Variants in EEFSEC observed in about 807,000 individuals in gnomAD.
EEFSEC encodes the protein eukaryotic elongation factor, selenocysteine-tRNA specific, also known as selenocysteine-specific elongation factor.
Under a neutral mutation model 42.1 loss-of-function variants are expected in EEFSEC, and 43 were observed. That is an observed-to-expected ratio of 1.02 (90% CI 0.80 to 1.32). The LOEUF (loss-of-function observed/expected upper bound fraction) is 1.32, where lower values mean the gene tolerates loss of function less well. Among genes scored for constraint, EEFSEC ranks in the 40% most tolerant of loss-of-function variants. The pLI is 0.00. For missense variants in EEFSEC, 745 were observed against 803.6 expected (o/e 0.93, Z 0.88); for synonymous variants, 354 against 339.1 (o/e 1.04, Z -0.48).
intron 6 of EEFSEC, among the ~76,000 whole-genome samples, chr3:128,384,751 C>G (rs1284696911): frequency 6.6e-6 from 1 of 152,192 alleles, no homozygotes; most frequent in Non-Finnish European, 1.5e-5. Context: ...GCCGCTGTTT[C>G]CCAAGCATTT....
chr3:128,316,892 C>G (rs545283401), intron 4 of EEFSEC, among the ~76,000 whole-genome samples: 2 of 152,220 alleles, frequency 1.3e-5, no homozygotes, highest in Non-Finnish European at 2.9e-5. Context: ...CCAGCCCCGA[C>G]CTTCCTTGTA....
At chr3:128,422,259 G>A in the EEFSEC span, among the ~76,000 whole-genome samples, 20,650 of 152,232 alleles carry the variant, frequency 0.14, 1,536 homozygotes, top group South Asian at 0.22. Context: ...AAAGCTGGGC[G>A]CAGGCCTTGG....
chr3:128,286,230 C>T (rs2066584354), intron 4 of EEFSEC, among the ~76,000 whole-genome samples: 1 of 152,210 alleles, frequency 6.6e-6, no homozygotes. Flanking sequence ...GAGCATTTTG[C>T]ACCCTTCCCT....
chr3:128,181,569 C>T (rs567799497), intron 1 of EEFSEC, among the ~76,000 whole-genome samples: 11 of 152,278 alleles, frequency 7.2e-5, no homozygotes, highest in African/African-American at 2.6e-4. Context: ...CTAGTGGAGA[C>T]GGCGATAAGG....
chr3:128,239,282 T>C (rs1337536464), intron 1 of EEFSEC, among the ~76,000 whole-genome samples: 4 of 152,210 alleles, frequency 2.6e-5, no homozygotes, highest in African/African-American at 7.2e-5. Flanking sequence ...TTTGGGTATA[T>C]GTGAGTCCTA....
chr3:128,365,710 C>A (rs2067582487), intron 6 of EEFSEC, among the ~76,000 whole-genome samples: 1 of 152,156 alleles, frequency 6.6e-6, no homozygotes, highest in African/African-American at 2.4e-5. Flanking sequence ...AGCCCCGGTG[C>A]TGCATTCATG....
chr3:128,293,679 A>AAAAAAAAAC (rs2066671910), intron 4 of EEFSEC, among the ~76,000 whole-genome samples: 1 of 133,452 alleles, frequency 7.5e-6, no homozygotes, highest in Non-Finnish European at 1.6e-5. Flanking sequence ...AAAAAAAAAA[A>AAAAAAAAAC]AAAAAAAACT....
chr3:128,170,160 C>T (rs974684023), intron 1 of EEFSEC, among the ~76,000 whole-genome samples: 2 of 152,126 alleles, frequency 1.3e-5, no homozygotes, highest in Non-Finnish European at 1.5e-5. Flanking sequence ...CCGCCTGGCC[C>T]GAGGTTCCTG....
At chr3:128,233,638 C>G (rs1270097556) in intron 1 of EEFSEC, among the ~76,000 whole-genome samples, 1 of 152,312 alleles carries the variant, frequency 6.6e-6, no homozygotes, top group East Asian at 1.9e-4. Context: ...AGGGAACATC[C>G]TACATTAGAT....
At chr3:128,291,843 A>T (rs749890157) in intron 4 of EEFSEC, among the ~76,000 whole-genome samples, 1 of 152,222 alleles carries the variant, frequency 6.6e-6, no homozygotes, top group African/African-American at 2.4e-5. Context: ...GTGAGAACAG[A>T]TATCTTTACC....
At chr3:128,415,171 G>A in the EEFSEC span, among the ~76,000 whole-genome samples, 13 of 152,314 alleles carry the variant, frequency 8.5e-5, no homozygotes, top group East Asian at 1.2e-3. Flanking sequence ...CTGGGTGGAC[G>A]CAGAGATGGG....
intron 6 of EEFSEC, among the ~76,000 whole-genome samples, chr3:128,407,663 G>T (rs1167027576): frequency 1.3e-5 from 2 of 152,188 alleles, no homozygotes; most frequent in African/African-American, 4.8e-5. Flanking sequence ...GCTGTCTGCA[G>T]GGGTCAGCCT....
chr3:128,315,406 GGC>G (rs2066933719), intron 4 of EEFSEC, among the ~76,000 whole-genome samples: 1 of 152,168 alleles, frequency 6.6e-6, no homozygotes, highest in South Asian at 2.1e-4. Flanking sequence ...TGTAATCATG[GGC>G]AGTAGGACCC....
Position 128,358,386 on chromosome 3 carries a change from A to G in EEFSEC, c.1600+13A>G. Reference sequence around the variant, plus strand: ...ATCCACATCCCAGGTAAGTGCAGCCACTTCCTCCCGGTTTAGGGACACCGT... The same window carrying G: ...ATCCACATCCCAGGTAAGTGCAGCCGCTTCCTCCCGGTTTAGGGACACCGT... On this transcript the variant is annotated intron_variant, in intron 6 of 6. Coordinates refer to ENST00000254730, the MANE Select transcript of EEFSEC (RefSeq NM_021937.5). The G allele has an allele frequency of 3.7e-6, 6 of 1,613,892 alleles. No individual in the cohort carries two copies. Among genetic ancestry groups the G allele is most frequent in the South Asian group, 1.1e-5 (1 of 91,040 alleles).
chr3:128,180,365 G>A (rs918925474), intron 1 of EEFSEC, among the ~76,000 whole-genome samples: 2 of 152,056 alleles, frequency 1.3e-5, no homozygotes, highest in Admixed American at 6.6e-5. Context: ...TGACAACACC[G>A]TTTTTCTTCT....
intron 4 of EEFSEC, among the ~76,000 whole-genome samples, chr3:128,289,176 C>T (rs1234309902): frequency 1.3e-5 from 2 of 152,208 alleles, no homozygotes; most frequent in African/African-American, 2.4e-5. Flanking sequence ...TAATACAGAG[C>T]GACACCACCA....
rs960365074 is a variant in EEFSEC, at chr3:128,408,122, G to T, written c.1654G>T (p.Ala552Ser). 8 of 1,610,104 alleles carry T rather than the reference G, an allele frequency of 5.0e-6. No homozygotes were observed. The highest frequency in any genetic ancestry group is 6.8e-6 in the Non-Finnish European group (8 of 1,178,198). Residue 552 changes from alanine to serine, a missense_variant, in exon 7 of 7, where the codon GCC (alanine) becomes TCC (serine). Physicochemically the swap from Ala to Ser is moderately conservative, Grantham distance 99. Coordinates refer to ENST00000254730, the MANE Select transcript of EEFSEC (RefSeq NM_021937.5). ...KILTPALKKR[A>S]RAGRGEATRQ... The stretch of plus-strand genomic sequence containing the variant: ...CCTGACACCCGCCCTCAAGAAGCGG[G>T]CCCGGGCTGGCCGTGGGGAGGCCAC...
chr3:128,219,303 A>G (rs142781850), intron 1 of EEFSEC, among the ~76,000 whole-genome samples: 1 of 152,194 alleles, frequency 6.6e-6, no homozygotes, highest in African/African-American at 2.4e-5. Flanking sequence ...TGAAACATCC[A>G]TCAGGGTTAT....
At chr3:128,412,187 G>GT (rs1345594967), downstream of EEFSEC, among the ~76,000 whole-genome samples, 5 of 152,242 alleles carry the variant, frequency 3.3e-5, no homozygotes, top group African/African-American at 1.2e-4. Context: ...GGGCATGCAG[G>GT]TTAGTGGGGC....
Sources: gnomAD v4.1 joint callset for allele counts (sites outside exome capture counted in the v4.1 genomes callset) on GRCh38, gnomAD v4.1.1 for gene constraint, MANE v1.5 for transcripts, NCBI Gene and HGNC (gene_info 2026-07-23, HGNC 2026-07-21) for gene names.